The following FAM110B variants were observed in gnomAD, a reference collection of about 807,000 sequenced individuals.
FAM110B encodes family with sequence similarity 110 member B.
In FAM110B, 6 loss-of-function variants were observed where a neutral mutation model predicts 20.4. That is an observed-to-expected ratio of 0.29 (90% confidence interval 0.16 to 0.58). The LOEUF (loss-of-function observed/expected upper bound fraction) is 0.58, where lower values mean the gene tolerates loss of function less well. Among genes scored for constraint, FAM110B ranks in the 20% least tolerant of loss-of-function variants. The probability of loss-of-function intolerance (pLI) is 0.90; values close to 1 mark genes in which losing one functional copy is unlikely to be tolerated. For missense variants in FAM110B, 434 were observed against 498.2 expected (o/e 0.87, Z 1.23); for synonymous variants, 226 against 214.1 (o/e 1.06, Z -0.49).
At chr8:58,134,377 A>G (rs1349456198) in intron 3 of FAM110B, among the ~76,000 whole-genome samples, 5 of 152,212 alleles carry the variant, frequency 3.3e-5, no homozygotes, top group Non-Finnish European at 5.9e-5. Context: ...GTGGTGAATA[A>G]GCAGTCTCCA....
intron 3 of FAM110B, among the ~76,000 whole-genome samples, chr8:58,102,411 G>C (rs1214883997): frequency 6.6e-6 from 1 of 152,120 alleles, no homozygotes; most frequent in African/African-American, 2.4e-5. Flanking sequence ...TACATAATTT[G>C]ATCTTCAATG....
chr8:58,109,596 C>T (rs1239110852), intron 3 of FAM110B, among the ~76,000 whole-genome samples: 1 of 152,132 alleles, frequency 6.6e-6, no homozygotes, highest in East Asian at 1.9e-4. Flanking sequence ...GTTGATGTTC[C>T]TGTGGCTTAT....
chr8:58,055,390 A>G (rs1465074682), intron 2 of FAM110B, among the ~76,000 whole-genome samples: 1 of 152,096 alleles, frequency 6.6e-6, no homozygotes, highest in Non-Finnish European at 1.5e-5. Flanking sequence ...ATACCTTGAT[A>G]TGTCTTTTTT....
At chr8:58,092,904 A>T (rs1297845474) in intron 3 of FAM110B, among the ~76,000 whole-genome samples, 1 of 152,144 alleles carries the variant, frequency 6.6e-6, no homozygotes, top group African/African-American at 2.4e-5. Context: ...CCTCTCTAGT[A>T]TCTATTGTTT....
intron 1 of FAM110B, among the ~76,000 whole-genome samples, chr8:58,015,083 C>T (rs890122085): frequency 3.3e-5 from 5 of 152,176 alleles, no homozygotes; most frequent in Admixed American, 1.3e-4. Context: ...AAGCCGGGTG[C>T]GATGGCTCAC....
intron 1 of FAM110B, among the ~76,000 whole-genome samples, chr8:58,007,984 A>T (rs1804447183): frequency 1.3e-5 from 2 of 152,176 alleles, no homozygotes; most frequent in Non-Finnish European, 2.9e-5. Flanking sequence ...TTCTATCAAC[A>T]AGAAGGTAAA....
At chr8:58,071,261 G>A (rs1445145384) in intron 2 of FAM110B, among the ~76,000 whole-genome samples, 8 of 152,188 alleles carry the variant, frequency 5.3e-5, no homozygotes, top group Admixed American at 3.9e-4. Context: ...CCTTCTCAGC[G>A]TCCCTTCTCC....
chr8:58,116,516 A>G (rs1449799955), intron 3 of FAM110B, among the ~76,000 whole-genome samples: 1 of 152,146 alleles, frequency 6.6e-6, no homozygotes, highest in Non-Finnish European at 1.5e-5. Flanking sequence ...CCCCTTTTCA[A>G]TGAGGCTTTT....
At chr8:58,006,923 A>ATATTTTTT in intron 1 of FAM110B, among the ~76,000 whole-genome samples, 2 of 126,528 alleles carry the variant, frequency 1.6e-5, no homozygotes, top group Admixed American at 7.8e-5. Context: ...ATATATATAT[A>ATATTTTTT]TTTTTCCAAA....
At chr8:58,119,010 C>G (rs897854918) in intron 3 of FAM110B, among the ~76,000 whole-genome samples, 1 of 152,148 alleles carries the variant, frequency 6.6e-6, no homozygotes, top group African/African-American at 2.4e-5. Flanking sequence ...GAGATAATGG[C>G]ATCCTTTAGA....
chr8:58,028,609 ACTTAGT>A (rs1159177490), intron 1 of FAM110B, among the ~76,000 whole-genome samples: 3 of 152,164 alleles, frequency 2.0e-5, no homozygotes, highest in Non-Finnish European at 2.9e-5. Context: ...GTTGTTTGGC[ACTTAGT>A]CTTAATATCA....
chr8:58,120,350 T>C (rs1403412243), intron 3 of FAM110B, among the ~76,000 whole-genome samples: 1 of 152,054 alleles, frequency 6.6e-6, no homozygotes, highest in Non-Finnish European at 1.5e-5. Flanking sequence ...CCCTCTCGTC[T>C]GAATTATCCA....
At chr8:58,003,741 A>G (rs1436115985) in intron 1 of FAM110B, among the ~76,000 whole-genome samples, 1 of 152,222 alleles carries the variant, frequency 6.6e-6, no homozygotes, top group Non-Finnish European at 1.5e-5. Context: ...TATTCAGTAG[A>G]TCATACTGTA....
At chr8:58,009,438 G>C (rs1458300448) in intron 1 of FAM110B, among the ~76,000 whole-genome samples, 2 of 152,176 alleles carry the variant, frequency 1.3e-5, no homozygotes, top group African/African-American at 2.4e-5. Flanking sequence ...AATGTGCCTG[G>C]CCTGAATTGA....
intron 1 of FAM110B, among the ~76,000 whole-genome samples, chr8:58,014,612 A>G (rs2150567100): frequency 6.6e-6 from 1 of 152,346 alleles, no homozygotes. Context: ...TAACCTTCTC[A>G]TTGAGAATCT....
At chr8:58,125,216 C>T (rs879389041) in intron 3 of FAM110B, among the ~76,000 whole-genome samples, 6 of 152,050 alleles carry the variant, frequency 3.9e-5, no homozygotes, top group Non-Finnish European at 7.4e-5. Flanking sequence ...GGCGTGGTGG[C>T]GCATGCCTGT....
At chr8:58,113,231 C>G (rs1174226494) in intron 3 of FAM110B, 4 of 156,402 alleles carry the variant, frequency 2.6e-5, no homozygotes, top group Non-Finnish European at 5.7e-5. Flanking sequence ...TGTGTTTGCC[C>G]TTTCTCTTGC....
intron 3 of FAM110B, among the ~76,000 whole-genome samples, chr8:58,105,556 A>ATTTTTTTTTTTTTTTTTTTT (rs71557704): frequency 1.1e-5 from 1 of 94,600 alleles, no homozygotes; most frequent in African/African-American, 5.0e-5. Context: ...GAATGAATGA[A>ATTTTTTTTTTTTTTTTTTTT]TTTTTTTTTT....
chr8:58,045,180 G>C (rs1218649188), intron 2 of FAM110B, among the ~76,000 whole-genome samples: 1 of 152,128 alleles, frequency 6.6e-6, no homozygotes, highest in Admixed American at 6.5e-5. Context: ...GTGGAGTTCA[G>C]AGCACACTTG....
Sources: allele counts gnomAD v4.1 joint callset (sites outside exome capture counted in the v4.1 genomes callset), GRCh38; gene constraint gnomAD v4.1.1; transcripts MANE v1.5; gene names NCBI Gene and HGNC (gene_info 2026-07-23, HGNC 2026-07-21).